MATN2: variants seen among roughly 807,000 people sequenced by gnomAD.
The protein encoded by MATN2 is matrilin-2.
MATN2 carries 69 observed loss-of-function variants against 103.2 expected under a neutral mutation model. The observed-to-expected ratio is 0.67, with a 90% CI of 0.55 to 0.82. MATN2 has a LOEUF of 0.82. Ranked by LOEUF, MATN2 falls within the 40% of genes least tolerant of loss-of-function variation. The probability of loss-of-function intolerance (pLI) is 0.00; values close to 1 mark genes in which losing one functional copy is unlikely to be tolerated. For synonymous variants in MATN2, 429 were observed against 450.2 expected (o/e 0.95, Z 0.60); for missense variants, 1,023 against 1,211.5 (o/e 0.84, Z 2.31).
intron 13 of MATN2, among the ~76,000 whole-genome samples, chr8:98,022,805 C>T (rs1813649929): frequency 1.3e-5 from 2 of 152,166 alleles, no homozygotes; most frequent in Non-Finnish European, 2.9e-5. Flanking sequence ...TATTTAATCT[C>T]GGCCGGGCGC....
intron 7 of MATN2, 47 bp downstream of exon 7, chr8:97,994,649 C>G: frequency 6.3e-7 from 1 of 1,575,172 alleles, no homozygotes; most frequent in Non-Finnish European, 8.6e-7. Flanking sequence ...GCTAAATGCT[C>G]CTCTAGTTAG....
intron 2 of MATN2, among the ~76,000 whole-genome samples, chr8:97,923,075 T>C (rs1809868393): frequency 6.6e-6 from 1 of 152,206 alleles, no homozygotes; most frequent in Non-Finnish European, 1.5e-5. Context: ...CAGAGTTCCG[T>C]GGATCCTCTT....
chr8:97,966,291 C>G (rs1811477985), intron 5 of MATN2, among the ~76,000 whole-genome samples: 1 of 152,108 alleles, frequency 6.6e-6, no homozygotes, highest in African/African-American at 2.4e-5. Context: ...CGTGGTGGCT[C>G]ATGCCTGTAA....
At chr8:97,952,390 G>C (rs1018334011) in intron 4 of MATN2, 1 of 152,300 alleles carries the variant, frequency 6.6e-6, no homozygotes, top group East Asian at 1.9e-4. Flanking sequence ...AGTGCAGCTT[G>C]TCTAAAATTC....
At chr8:97,971,723 T>C (rs1285056480) in intron 5 of MATN2, among the ~76,000 whole-genome samples, 2 of 152,188 alleles carry the variant, frequency 1.3e-5, no homozygotes, top group Admixed American at 6.5e-5. Context: ...CCCAGGCAGA[T>C]TGTAAACCCT....
At chr8:97,991,188 C>T (rs117194712) in intron 6 of MATN2, among the ~76,000 whole-genome samples, 1,533 of 152,314 alleles carry the variant, frequency 0.01, 14 homozygotes, top group South Asian at 0.024. Flanking sequence ...AGGAGCCACA[C>T]GTGGCCACTG....
intron 5 of MATN2, among the ~76,000 whole-genome samples, chr8:97,962,890 T>C (rs1460027473): frequency 1.3e-5 from 2 of 152,206 alleles, no homozygotes; most frequent in Non-Finnish European, 2.9e-5. Flanking sequence ...ATCCCAGCAC[T>C]ATGGGAGGCT....
At chr8:97,922,576 G>T (rs368167603) in intron 2 of MATN2, among the ~76,000 whole-genome samples, 1 of 152,210 alleles carries the variant, frequency 6.6e-6, no homozygotes, top group Admixed American at 6.5e-5. Context: ...TCATGTGCCA[G>T]TTCTGACAAA....
intron 2 of MATN2, among the ~76,000 whole-genome samples, chr8:97,889,459 C>CTATA (rs56115197): frequency 0.013 from 1,631 of 123,308 alleles, 46 homozygotes; most frequent in Middle Eastern, 0.054. Flanking sequence ...CTCTCTCTGT[C>CTATA]TATATATATA....
In MATN2 at chr8:97,925,297, T is replaced by C. The variant is rs145745375; in HGVS notation, c.143-5656T>C. 4.8e-3 allele frequency among the ~76,000 whole-genome samples: 732 copies of C among 152,258 alleles called. 5 individuals carry two copies. The highest frequency in any genetic ancestry group is 0.012 in the Admixed American group (178 of 15,292). On this transcript the variant is annotated intron_variant, in intron 2 of 18. Transcript: ENST00000254898. ...TTGTTACAGGTGCATACTCCTAAGT[T>C]AGGTTTTCAATCTTGTGTACTTATA...
chr8:98,009,738 G>C (rs992583504), intron 10 of MATN2, among the ~76,000 whole-genome samples: 3 of 152,184 alleles, frequency 2.0e-5, no homozygotes, highest in Non-Finnish European at 4.4e-5. Context: ...GGTGTGGGGG[G>C]TCGGGGAGGG....
chr8:97,930,903 A>C, intron 2 of MATN2, 50 bp from the exon 3 acceptor site: 1 of 1,345,496 alleles, frequency 7.4e-7, no homozygotes, highest in African/African-American at 1.4e-5. Flanking sequence ...GGTGTGAGCC[A>C]CCACACCTGG....
intron 5 of MATN2, among the ~76,000 whole-genome samples, chr8:97,962,268 A>G (rs894988709): frequency 2.6e-5 from 4 of 152,234 alleles, no homozygotes; most frequent in African/African-American, 9.6e-5. Flanking sequence ...CTTGACTGAC[A>G]TCAAAACTGG....
chr8:97,900,500 C>T (rs150891658), intron 2 of MATN2, among the ~76,000 whole-genome samples: 4 of 152,274 alleles, frequency 2.6e-5, no homozygotes, highest in Admixed American at 6.5e-5. Flanking sequence ...ATTAAGTAAA[C>T]TGCGGAGGAA....
chr8:97,888,198 C>T lies in MATN2; in HGVS notation c.98C>T (p.Ser33Phe). ...GAGCGGTCACGTGGGAGGTCCATCT[C>T]TAGGGGCAGACACGCTCGGACCCAC... ...ARERSRGRSISRGRHARTHPQ... is the reference protein window; with the variant it reads ...ARERSRGRSIFRGRHARTHPQ... The change falls in exon 2 of 19, where the codon TCT becomes TTT. Residue 33 changes from serine to phenylalanine, a missense_variant. Physicochemically the swap from Ser to Phe is radical, Grantham distance 155. Coordinates refer to ENST00000254898, the MANE Select transcript of MATN2 (RefSeq NM_002380.5). 6.2e-7 allele frequency: 1 copy of T among 1,604,618 alleles called. No homozygotes were observed. The highest frequency in any genetic ancestry group is 8.5e-7 in the Non-Finnish European group (1 of 1,174,858).
chr8:97,958,674 T>C (rs1437415762), intron 4 of MATN2, among the ~76,000 whole-genome samples: 2 of 152,238 alleles, frequency 1.3e-5, no homozygotes, highest in African/African-American at 2.4e-5. Context: ...ATGCTTTTCA[T>C]TGAACTTTGC....
At chr8:97,981,196 A>AG in intron 6 of MATN2, among the ~76,000 whole-genome samples, 1 of 151,870 alleles carries the variant, frequency 6.6e-6, no homozygotes, top group East Asian at 1.9e-4. Context: ...AAAAAAAAAA[A>AG]AGGCTAAAAA....
intron 7 of MATN2, among the ~76,000 whole-genome samples, chr8:98,002,211 GAC>G (rs753825481): frequency 2.0e-5 from 3 of 152,166 alleles, no homozygotes; most frequent in South Asian, 4.1e-4. Flanking sequence ...TCCTGGTTAT[GAC>G]ACAGTTTCCA....
intron 18 of MATN2, 148 bp downstream of exon 18, chr8:98,033,807 A>T: frequency 1.6e-6 from 1 of 624,388 alleles, no homozygotes; most frequent in Non-Finnish European, 2.7e-6. Flanking sequence ...TGCTTTAAAA[A>T]GCAGCCTCAC....
Sources: gnomAD v4.1 joint callset for allele counts (sites outside exome capture counted in the v4.1 genomes callset) on GRCh38, gnomAD v4.1.1 for gene constraint, MANE v1.5 for transcripts, NCBI Gene and HGNC (gene_info 2026-07-23, HGNC 2026-07-21) for gene names.